Variants in CCDC77 observed in about 807,000 individuals in gnomAD.
The protein encoded by CCDC77 is coiled-coil domain-containing protein 77.
CCDC77 carries 56 observed loss-of-function variants against 66.8 expected under a neutral mutation model. That is an observed-to-expected ratio of 0.84 (90% CI 0.68 to 1.05). The LOEUF (loss-of-function observed/expected upper bound fraction) is 1.05, where lower values mean the gene tolerates loss of function less well. CCDC77 is among the 50% of genes least tolerant of loss of function. CCDC77 has a pLI of 0.00. For missense variants in CCDC77, 570 were observed against 576.8 expected (o/e 0.99, Z 0.12); for synonymous variants, 196 against 195.2 (o/e 1.00, Z -0.03).
chr12:415,371 A>T (rs948372515), intron 4 of CCDC77, among the ~76,000 whole-genome samples: 9 of 124,296 alleles, frequency 7.2e-5, no homozygotes, highest in East Asian at 6.6e-4. Context: ...ATGTTAATAT[A>T]ATCAACATAA....
chr12:407,472 A>G (rs983865051), intron 2 of CCDC77, among the ~76,000 whole-genome samples: 2 of 152,152 alleles, frequency 1.3e-5, no homozygotes, highest in African/African-American at 4.8e-5. Context: ...GAGACGGGGT[A>G]GGCAGTTAGA....
chr12:419,207 A>T (rs1945346409), intron 5 of CCDC77, among the ~76,000 whole-genome samples: 1 of 152,190 alleles, frequency 6.6e-6, no homozygotes, highest in South Asian at 2.1e-4. Flanking sequence ...CATAGGGAGC[A>T]CTAAGGATAG....
intron 5 of CCDC77, among the ~76,000 whole-genome samples, chr12:423,506 T>TG (rs1565572329): frequency 1.7e-4 from 19 of 108,928 alleles, no homozygotes; most frequent in Admixed American, 5.5e-4. Context: ...TTTTTTTTTT[T>TG]TTTTTTTGAG....
intron 4 of CCDC77, among the ~76,000 whole-genome samples, chr12:413,552 T>A (rs1591969142): frequency 6.7e-6 from 1 of 149,314 alleles, no homozygotes; most frequent in Non-Finnish European, 1.5e-5. Flanking sequence ...CTAGCTACTC[T>A]TTTTATATAA....
intron 7 of CCDC77, among the ~76,000 whole-genome samples, chr12:431,212 C>CTTTTTTTTTTTTTTTTTTTTT (rs61068771): frequency 2.6e-5 from 3 of 115,778 alleles, no homozygotes; most frequent in African/African-American, 5.8e-5. Flanking sequence ...TTGCTCAGTT[C>CTTTTTTTTTTTTTTTTTTTTT]TTTTTTTTTT....
chr12:409,459 G>C, intron 3 of CCDC77, 38 bp downstream of exon 3: 2 of 1,577,790 alleles, frequency 1.3e-6, no homozygotes, highest in Non-Finnish European at 1.7e-6. Flanking sequence ...TTAAGAAATC[G>C]AGACTTGTAT....
chr12:426,005 C>G (rs1437996486), intron 5 of CCDC77, among the ~76,000 whole-genome samples: 1 of 152,202 alleles, frequency 6.6e-6, no homozygotes, highest in Non-Finnish European at 1.5e-5. Flanking sequence ...GCTGGGACTA[C>G]AGCGCACGCT....
intron 4 of CCDC77, among the ~76,000 whole-genome samples, chr12:414,861 T>A (rs1002474873): frequency 2.0e-5 from 3 of 152,202 alleles, no homozygotes; most frequent in Admixed American, 6.6e-5. Flanking sequence ...GTCTAAACTG[T>A]GACGGTGTCC....
At chr12:438,912 CAAAAAAA>C (rs746794691) in intron 10 of CCDC77, among the ~76,000 whole-genome samples, 26 of 106,440 alleles carry the variant, frequency 2.4e-4, no homozygotes, top group Admixed American at 2.3e-3. Flanking sequence ...ACTAAAAATA[CAAAAAAA>C]AAAAAAAAAT....
At chr12:432,278 G>C (rs1945666988) in intron 8 of CCDC77, among the ~76,000 whole-genome samples, 1 of 152,176 alleles carries the variant, frequency 6.6e-6, no homozygotes, top group Admixed American at 6.5e-5. Context: ...TATGCTGATA[G>C]ATCAACATTT....
chr12:441,124 C>A, intron 12 of CCDC77, 128 bp downstream of exon 12: 2 of 949,690 alleles, frequency 2.1e-6, no homozygotes, highest in Non-Finnish European at 3.2e-6. Context: ...TCACCATCTT[C>A]AAGCCTCCCT....
intron 2 of CCDC77, among the ~76,000 whole-genome samples, chr12:406,605 C>A (rs4980893): frequency 6.6e-6 from 1 of 151,924 alleles, no homozygotes; most frequent in Non-Finnish European, 1.5e-5. Flanking sequence ...TGTTTTGACA[C>A]ATATATATTA....
chr12:441,005 T>G lies in CCDC77; in HGVS notation c.1320+9T>G. 1 of 1,608,160 alleles carries G rather than the reference T, an allele frequency of 6.2e-7. No homozygotes were observed. The highest frequency in any genetic ancestry group is 8.5e-7 in the Non-Finnish European group (1 of 1,179,774). Reference sequence around the variant, plus strand: ...AGCAAATGTTGTATAAGGTAATTGCTGGTCCTGAATTGCCACGAGGGAGAG... The same window carrying G: ...AGCAAATGTTGTATAAGGTAATTGCGGGTCCTGAATTGCCACGAGGGAGAG... On this transcript the variant is annotated intron_variant, in intron 12 of 12. Coordinates refer to ENST00000239830, the MANE Select transcript of CCDC77 (RefSeq NM_032358.4).
intron 9 of CCDC77, among the ~76,000 whole-genome samples, chr12:433,749 A>G (rs970768374): frequency 6.6e-6 from 1 of 152,166 alleles, no homozygotes; most frequent in Non-Finnish European, 1.5e-5. Flanking sequence ...GAATATGGAA[A>G]ACATGAGTTT....
chr12:423,491 TTTG>T lies in CCDC77; in HGVS notation c.413+4858_413+4860del, dbSNP rs1466524471. On this transcript the variant is annotated intron_variant, in intron 5 of 12. Transcript: ENST00000239830. ...TTGTGTTTTTTGTGTTTTTTTTTGT[TTTG>T]TTTTTTTTTTTTTTTTTTTGAGACA... Among the ~76,000 whole-genome samples the T allele has an allele frequency of 3.6e-3, 123 of 34,548 alleles. 17 individuals are homozygous for T. The highest frequency in any genetic ancestry group is 0.01 in the African/African-American group (79 of 7,862). 22.7% of individuals were successfully genotyped at this position (34,548 alleles called of 152,430 possible).
intron 4 of CCDC77, among the ~76,000 whole-genome samples, chr12:416,373 G>GTATATA (rs1335716191): frequency 7.9e-5 from 2 of 25,288 alleles, no homozygotes; most frequent in South Asian, 1.2e-3. Flanking sequence ...GTGTGTGTGT[G>GTATATA]TGTGTATATA....
Position 429,974 on chromosome 12 carries a change from TTTTG to T in CCDC77, c.511-686_511-683del, listed in dbSNP as rs199742870. Among the ~76,000 whole-genome samples, 562 of 152,124 alleles carry T rather than the reference TTTTG, an allele frequency of 3.7e-3. 9 individuals carry two copies. The East Asian group carries it at 0.066, about 18-fold the overall frequency. On this transcript the variant is annotated intron_variant, in intron 6 of 12. Coordinates refer to ENST00000239830, the MANE Select transcript of CCDC77 (RefSeq NM_032358.4). The stretch of plus-strand genomic sequence containing the variant: ...CATATATTACTAAATAGCCCTGCAA[TTTTG>T]TTTATTTATTTATATTTATTTATTT...
chr12:390,798 C>CGGTTGGAGCA (rs1428421695), intron 1 of CCDC77, among the ~76,000 whole-genome samples: 1 of 151,644 alleles, frequency 6.6e-6, no homozygotes, highest in Non-Finnish European at 1.5e-5. Flanking sequence ...ACCGTGAATA[C>CGGTTGGAGCA]ATCTAGGGTT....
At chr12:418,858 C>G (rs1430073019) in intron 5 of CCDC77, 19 of 475,526 alleles carry the variant, frequency 4.0e-5, no homozygotes, top group East Asian at 3.6e-5. Flanking sequence ...ACTACAAGGC[C>G]TAGCTCATTT....
Sources: gnomAD v4.1 joint callset for allele counts (sites outside exome capture counted in the v4.1 genomes callset) on GRCh38, gnomAD v4.1.1 for gene constraint, MANE v1.5 for transcripts, NCBI Gene and HGNC (gene_info 2026-07-23, HGNC 2026-07-21) for gene names.